Variants in PARP8 observed in about 807,000 individuals in gnomAD.
PARP8 encodes poly(ADP-ribose) polymerase family member 8.
Under a neutral mutation model 124.1 loss-of-function variants are expected in PARP8, and 51 were observed. The observed-to-expected ratio is 0.41, with a 90% CI of 0.33 to 0.52. The LOEUF is 0.52. Among genes scored for constraint, PARP8 ranks in the 20% least tolerant of loss-of-function variants. The probability of loss-of-function intolerance (pLI) is 0.21; values close to 1 mark genes in which losing one functional copy is unlikely to be tolerated. For missense variants in PARP8, 860 were observed against 1,018.9 expected (o/e 0.84, Z 2.12); for synonymous variants, 391 against 361.5 (o/e 1.08, Z -0.93).
rs1748502139 is a variant in PARP8, at chr5:50,844,892, A to T, written c.*2824A>T. On this transcript the variant is annotated 3_prime_UTR_variant, in exon 26 of 26. Transcript: ENST00000281631. ...AATCTAGTGCTATAAAATGCATTATAGTAAGACACTTTTGGTGTCTTCGAG... is the reference window on the plus strand; with the variant it reads ...AATCTAGTGCTATAAAATGCATTATTGTAAGACACTTTTGGTGTCTTCGAG... 1 of 151,726 alleles carries T rather than the reference A, an allele frequency of 6.6e-6. No individual in the cohort carries two copies. Among genetic ancestry groups the T allele is most frequent in the African/African-American group, 2.4e-5 (1 of 41,392 alleles). The allele number at this position is 151,726 out of a possible 1,614,324, so 9.4% of individuals were successfully genotyped here.
intron 23 of PARP8, 101 bp from the exon 24 acceptor site, chr5:50,833,878 A>G (rs1452341364): frequency 1.9e-5 from 15 of 778,694 alleles, no homozygotes; most frequent in Admixed American, 1.7e-4. Context: ...TTTTTTTTTG[A>G]CCTGGAGCCA....
At chr5:50,701,139 A>G (rs766513854) in intron 2 of PARP8, among the ~76,000 whole-genome samples, 1 of 152,146 alleles carries the variant, frequency 6.6e-6, no homozygotes, top group Non-Finnish European at 1.5e-5. Context: ...GGAGTCCTTA[A>G]TGAACACAGA....
At chr5:50,788,390 G>A in intron 9 of PARP8, 133 bp from the exon 10 acceptor site, 1 of 670,370 alleles carries the variant, frequency 1.5e-6, no homozygotes, top group Non-Finnish European at 2.6e-6. Context: ...GCATTGTTTA[G>A]GACTGCATGT....
chr5:50,830,869 G>A (rs1029500577), intron 22 of PARP8, among the ~76,000 whole-genome samples: 3 of 151,436 alleles, frequency 2.0e-5, no homozygotes, highest in Admixed American at 1.3e-4. Flanking sequence ...CACGTTACAC[G>A]TTTTAGGAGA....
chr5:50,791,409 C>G (rs908230001), intron 10 of PARP8, among the ~76,000 whole-genome samples: 8 of 152,112 alleles, frequency 5.3e-5, no homozygotes, highest in African/African-American at 1.9e-4. Context: ...GTGATAGAGT[C>G]AGAATTTGAC....
At chr5:50,840,209 G>T (rs904377068) in intron 25 of PARP8, among the ~76,000 whole-genome samples, 4 of 151,818 alleles carry the variant, frequency 2.6e-5, no homozygotes, top group African/African-American at 9.7e-5. Flanking sequence ...TATTCTGTTT[G>T]ATTCGATTCG....
At chr5:50,765,270 AAAAG>A (rs1161895993) in intron 7 of PARP8, among the ~76,000 whole-genome samples, 2 of 152,182 alleles carry the variant, frequency 1.3e-5, no homozygotes, top group African/African-American at 2.4e-5. Context: ...CTCAAAAAAA[AAAAG>A]AAAGAAATAT....
At chr5:50,710,862 G>A (rs1173237783) in intron 2 of PARP8, among the ~76,000 whole-genome samples, 1 of 152,072 alleles carries the variant, frequency 6.6e-6, no homozygotes, top group African/African-American at 2.4e-5. Flanking sequence ...TTCTACTTTT[G>A]ATGACTTATT....
Position 50,822,412 on chromosome 5 carries a change from A to T in PARP8, c.1860+12A>T, listed in dbSNP as rs571481627. On this transcript the variant is annotated intron_variant, in intron 17 of 25. Coordinates refer to ENST00000281631, the MANE Select transcript of PARP8 (RefSeq NM_024615.4). The stretch of plus-strand genomic sequence containing the variant: ...GAGAAATGACACAAGTAAGTATGTC[A>T]TCTGGTCTTGTACAGTATATTTTTA... The T allele has an allele frequency of 6.3e-7, 1 of 1,590,180 alleles. No homozygotes were observed. The highest frequency in any genetic ancestry group is 8.6e-7 in the Non-Finnish European group (1 of 1,158,484).
chr5:50,729,942 G>A (rs1040799902), intron 2 of PARP8, among the ~76,000 whole-genome samples: 1 of 152,164 alleles, frequency 6.6e-6, no homozygotes, highest in African/African-American at 2.4e-5. Flanking sequence ...TGCAGAGTGA[G>A]AAAAGAAGGG....
intron 3 of PARP8, among the ~76,000 whole-genome samples, chr5:50,754,813 G>C (rs945314879): frequency 6.6e-4 from 101 of 152,260 alleles, no homozygotes; most frequent in Middle Eastern, 3.4e-3. Context: ...GTGTAAAAGT[G>C]TTCCTATTTC....
At chr5:50,739,732 A>ATATAT (rs1391397402) in intron 2 of PARP8, among the ~76,000 whole-genome samples, 1 of 44,208 alleles carries the variant, frequency 2.3e-5, no homozygotes, top group African/African-American at 7.7e-5. Context: ...ATATATATAT[A>ATATAT]TTTTTTTTTT....
At chr5:50,799,546 C>G (rs985745265) in intron 14 of PARP8, among the ~76,000 whole-genome samples, 1 of 152,172 alleles carries the variant, frequency 6.6e-6, no homozygotes, top group South Asian at 2.1e-4. Flanking sequence ...TGTTTGGGGT[C>G]TCTTGCGTTT....
chr5:50,777,955 G>A (rs1740221838), intron 7 of PARP8, 114 bp from the exon 8 acceptor site: 2 of 764,762 alleles, frequency 2.6e-6, no homozygotes, highest in Admixed American at 5.8e-5. Context: ...TGAGCTATTT[G>A]TCAAAATCAA....
At chr5:50,751,466 G>C (rs1653296516) in intron 3 of PARP8, among the ~76,000 whole-genome samples, 1 of 152,124 alleles carries the variant, frequency 6.6e-6, no homozygotes, top group Non-Finnish European at 1.5e-5. Context: ...AAAGTAGGTT[G>C]TTATGCTGCA....
chr5:50,817,593 AC>A (rs1335437088), intron 15 of PARP8, among the ~76,000 whole-genome samples: 1 of 152,170 alleles, frequency 6.6e-6, no homozygotes, highest in Non-Finnish European at 1.5e-5. Context: ...CTATTCCAGC[AC>A]CCCAAATACT....
chr5:50,772,138 T>C (rs1339279905), intron 7 of PARP8, among the ~76,000 whole-genome samples: 2 of 152,226 alleles, frequency 1.3e-5, no homozygotes, highest in African/African-American at 4.8e-5. Flanking sequence ...TACTTAAGAC[T>C]GTGTCCTCCA....
At chr5:50,792,812 C>T (rs1464560465) in intron 10 of PARP8, among the ~76,000 whole-genome samples, 1 of 151,862 alleles carries the variant, frequency 6.6e-6, no homozygotes, top group African/African-American at 2.4e-5. Context: ...CTAAAAGGGC[C>T]CCAAAATAAT....
intron 8 of PARP8, 65 bp from the exon 9 acceptor site, chr5:50,778,495 G>GT: frequency 7.4e-7 from 1 of 1,353,912 alleles, no homozygotes; most frequent in Non-Finnish European, 1.0e-6. Context: ...AAAAGTTTGT[G>GT]TGTTTTTTTT....
Sources: allele counts gnomAD v4.1 joint callset (sites outside exome capture counted in the v4.1 genomes callset), GRCh38; gene constraint gnomAD v4.1.1; transcripts MANE v1.5; gene names NCBI Gene and HGNC (gene_info 2026-07-23, HGNC 2026-07-21).